The following TET3 variants were observed in gnomAD, a reference collection of about 807,000 sequenced individuals.
The protein encoded by TET3 is tet methylcytosine dioxygenase 3.
Under a neutral mutation model 141.4 loss-of-function variants are expected in TET3, and 19 were observed. The observed-to-expected ratio is 0.13, with a 90% confidence interval of 0.09 to 0.20. TET3 has a LOEUF of 0.20. TET3 is among the 10% of genes least tolerant of loss of function. The pLI, the probability that TET3 is intolerant of heterozygous loss-of-function variation, is 1.00. For synonymous variants in TET3, 1,043 were observed against 980.9 expected, an observed-to-expected ratio of 1.06 and a Z score of -1.18; for missense variants, 1,874 against 2,356.9, an observed-to-expected ratio of 0.80 and a Z score of 4.24.
chr2:74,031,548 G>A (rs1175145517), intron 3 of TET3, among the ~76,000 whole-genome samples: 1 of 152,182 alleles, frequency 6.6e-6, no homozygotes, highest in Non-Finnish European at 1.5e-5. Context: ...AAGATGAGTT[G>A]TGTGACTTTT....
chr2:74,080,319 C>T (rs948789582), intron 5 of TET3, among the ~76,000 whole-genome samples, 179 bp from the exon 6 acceptor site: 4 of 152,200 alleles, frequency 2.6e-5, no homozygotes, highest in African/African-American at 7.2e-5. Context: ...TGGAAGTGGC[C>T]GCTGTGTCTC....
chr2:74,133,010 G>A, the TET3 span, among the ~76,000 whole-genome samples: 22 of 151,682 alleles, frequency 1.5e-4, no homozygotes, highest in African/African-American at 5.3e-4. Flanking sequence ...AGATTCTCCT[G>A]CCTCAGCCTC....
chr2:74,057,582 A>G (rs191326005), intron 4 of TET3, among the ~76,000 whole-genome samples: 60 of 152,338 alleles, frequency 3.9e-4, no homozygotes, highest in African/African-American at 1.4e-3. Flanking sequence ...GTGGCTTTCA[A>G]TTGGAGGCTT....
chr2:74,119,220 T>C, the TET3 span, among the ~76,000 whole-genome samples: 4 of 151,968 alleles, frequency 2.6e-5, no homozygotes, highest in South Asian at 6.2e-4. Context: ...GGGTATGGTG[T>C]CACGTGCCTG....
chr2:74,056,992 A>T (rs924374391), intron 4 of TET3, among the ~76,000 whole-genome samples: 8 of 152,192 alleles, frequency 5.3e-5, no homozygotes, highest in African/African-American at 1.9e-4. Context: ...AAACCAGGGA[A>T]TGCAGGCAGA....
chr2:74,076,801 A>G (rs1167355435), intron 5 of TET3, among the ~76,000 whole-genome samples: 1 of 152,122 alleles, frequency 6.6e-6, no homozygotes, highest in Non-Finnish European at 1.5e-5. Context: ...CTTTCTCTTC[A>G]GGACTGCTCT....
At chr2:74,037,580 C>T (rs1341078899) in intron 3 of TET3, among the ~76,000 whole-genome samples, 3 of 152,178 alleles carry the variant, frequency 2.0e-5, no homozygotes, top group Non-Finnish European at 2.9e-5. Context: ...CATGAGAATT[C>T]GCTTCAGGAG....
the TET3 span, among the ~76,000 whole-genome samples, chr2:74,130,094 CAAAA>C: frequency 1.8e-4 from 23 of 126,662 alleles, no homozygotes; most frequent in African/African-American, 6.3e-4. Flanking sequence ...GAGTCTGTCT[CAAAA>C]AAAAAAAAAA....
chr2:74,019,578 C>G (rs537978817), intron 3 of TET3, among the ~76,000 whole-genome samples: 1 of 152,312 alleles, frequency 6.6e-6, no homozygotes, highest in Admixed American at 6.5e-5. Flanking sequence ...TCACCAGTAC[C>G]TGGCACAAAG....
At chr2:74,057,039 A>G (rs1490566572) in intron 4 of TET3, among the ~76,000 whole-genome samples, 5 of 152,162 alleles carry the variant, frequency 3.3e-5, no homozygotes, top group Non-Finnish European at 7.4e-5. Flanking sequence ...TGAAGGGGAT[A>G]AGGTCTGGGC....
At chr2:74,050,878 A>C (rs1238843947) in intron 4 of TET3, among the ~76,000 whole-genome samples, 2 of 139,294 alleles carry the variant, frequency 1.4e-5, no homozygotes, top group African/African-American at 2.5e-5. Flanking sequence ...AAAAAAAAAA[A>C]CAACAATAAA....
chr2:74,105,350 G>T lies in TET3; in HGVS notation c.*3174G>T, dbSNP rs1007722364. 2.5e-6 allele frequency: 1 copy of T among 398,632 alleles called. No individual in the cohort carries two copies. Among genetic ancestry groups the T allele is most frequent in the Non-Finnish European group, 4.4e-6 (1 of 226,072 alleles). 24.7% of individuals were successfully genotyped at this position (398,632 alleles called of 1,614,324 possible). A position where few individuals can be genotyped will look rare whatever the true frequency, so the allele number is the denominator to read the frequency against. On this transcript the variant is annotated 3_prime_UTR_variant, in exon 12 of 12. Transcript: ENST00000409262. ...TTTTCCCTGCCTGTTGCGTGCAAGG[G>T]AAGTGCTTGTAAAGTTCTGTGCTAC... is the stretch of plus-strand genomic sequence containing the variant.
At chr2:74,071,351 C>G (rs755677055) in intron 4 of TET3, among the ~76,000 whole-genome samples, 1 of 152,186 alleles carries the variant, frequency 6.6e-6, no homozygotes, top group East Asian at 1.9e-4. Flanking sequence ...TTGACTCTTG[C>G]AGACAGTGTT....
intron 2 of TET3, among the ~76,000 whole-genome samples, chr2:73,996,862 C>A (rs1684617455): frequency 6.6e-6 from 1 of 152,204 alleles, no homozygotes; most frequent in Admixed American, 6.5e-5. Context: ...AGAAGGCCGG[C>A]AGCCCATTGT....
upstream of TET3, among the ~76,000 whole-genome samples, chr2:73,984,806 C>G (rs1004315617): frequency 1.3e-4 from 19 of 148,488 alleles, no homozygotes; most frequent in Admixed American, 1.0e-3. This position sits in a 1 kb window ranked among gnomAD's most constrained non-coding sequence, Gnocchi z 5.6. Context: ...TCGCCCGGCC[C>G]GGGGCCCGGC....
Position 74,104,956 on chromosome 2 carries a change from A to G in TET3, c.*2780A>G, listed in dbSNP as rs1031303817. ...TCAAGCCCATGCTGATTTGTACACT[A>G]CATGTCTAACCTACCTCAAATCTCA... On this transcript the variant is annotated 3_prime_UTR_variant, in exon 12 of 12. Transcript: ENST00000409262. The G allele has an allele frequency of 5.2e-6, 2 of 387,850 alleles. No individual in the cohort carries two copies. Among genetic ancestry groups the G allele is most frequent in the African/African-American group, 2.1e-5 (1 of 48,472 alleles). The allele number at this position is 387,850 out of a possible 1,614,324, so 24.0% of individuals were successfully genotyped here.
Position 74,086,888 on chromosome 2 carries a change from T to C in TET3, c.2680-942T>C, listed in dbSNP as rs571798214. Among the ~76,000 whole-genome samples, 8 of 152,112 alleles carry C rather than the reference T, an allele frequency of 5.3e-5. No homozygotes were observed. The South Asian group carries it at 1.0e-3, about 20-fold the overall frequency. ...GTTGGTGGCATTAAGTACATTCACG[T>C]TGTTGTACAAGCATCAACCTAGTCT... On this transcript the variant is annotated intron_variant, in intron 6 of 11. Coordinates refer to ENST00000409262, the MANE Select transcript of TET3 (RefSeq NM_001287491.2).
At chr2:74,132,059 G>C in the TET3 span, among the ~76,000 whole-genome samples, 1 of 152,150 alleles carries the variant, frequency 6.6e-6, no homozygotes, top group African/African-American at 2.4e-5. Flanking sequence ...TTCCTAGGCG[G>C]CTTGGCCCAC....
At chr2:74,039,127 T>G (rs1161880910) in intron 3 of TET3, among the ~76,000 whole-genome samples, 3 of 152,326 alleles carry the variant, frequency 2.0e-5, no homozygotes, top group East Asian at 3.9e-4. Flanking sequence ...AAATCTGCTC[T>G]CTGTAGCATT....
Sources: allele counts gnomAD v4.1 joint callset (sites outside exome capture counted in the v4.1 genomes callset), GRCh38; gene constraint gnomAD v4.1.1; non-coding constraint Gnocchi (gnomAD v3.1); transcripts MANE v1.5; gene names NCBI Gene and HGNC (gene_info 2026-07-23, HGNC 2026-07-21).